Variants in ZUP1 observed in about 807,000 individuals in gnomAD.
ZUP1 encodes zinc finger containing ubiquitin peptidase 1.
Under a neutral mutation model 68.1 loss-of-function variants are expected in ZUP1, and 55 were observed. The observed-to-expected ratio is 0.81, with a 90% confidence interval of 0.65 to 1.01. The LOEUF (loss-of-function observed/expected upper bound fraction) is 1.01. Ranked by LOEUF, ZUP1 falls within the 50% of genes least tolerant of loss-of-function variation. The pLI is 0.00. For synonymous variants in ZUP1, 223 were observed against 221.5 expected, an observed-to-expected ratio of 1.01 and a Z score of -0.06; for missense variants, 684 against 674.9, an observed-to-expected ratio of 1.01 and a Z score of -0.15.
At chr6:116,639,413 T>C (rs1477395457) in intron 9 of ZUP1, among the ~76,000 whole-genome samples, 1 of 152,184 alleles carries the variant, frequency 6.6e-6, no homozygotes, top group African/African-American at 2.4e-5. Flanking sequence ...CCCTGACCCC[T>C]GAGCAGCCTA....
chr6:116,648,523 A>C (rs762238208), intron 7 of ZUP1, among the ~76,000 whole-genome samples: 3 of 152,236 alleles, frequency 2.0e-5, no homozygotes, highest in African/African-American at 7.2e-5. Context: ...GCATATTTAC[A>C]TTTAGAATAC....
In ZUP1 at chr6:116,666,185, T is replaced by C. The variant is rs190806412; in HGVS notation, c.559+449A>G. ...CAACAAAGCAGAATACACTTTTTTT[T>C]CCCAAGTATCCACAGAACATGACCA... On this transcript the variant is annotated intron_variant, in intron 2 of 9. Coordinates refer to ENST00000368576, the MANE Select transcript of ZUP1 (RefSeq NM_145062.3). Among the ~76,000 whole-genome samples, 793 of 152,232 alleles carry C rather than the reference T, an allele frequency of 5.2e-3. 4 individuals are homozygous for C. Among genetic ancestry groups the C allele is most frequent in the African/African-American group, 0.018 (760 of 41,548 alleles).
chr6:116,667,582 C>G (rs978428872), intron 1 of ZUP1, among the ~76,000 whole-genome samples: 20 of 151,926 alleles, frequency 1.3e-4, no homozygotes, highest in African/African-American at 9.7e-5. Context: ...AATACTGAAG[C>G]TGATTATATT....
In ZUP1 at chr6:116,666,935, T is replaced by C. The variant is rs774383975; in HGVS notation, c.258A>G (p.Glu86=). The C allele has an allele frequency of 6.2e-7, 1 of 1,613,390 alleles. No individual in the cohort carries two copies. The highest frequency in any genetic ancestry group is 1.7e-5 in the Admixed American group (1 of 59,910). Residue 86 remains glutamate (E), a synonymous_variant, in exon 2 of 10, where the codon GAA becomes GAG. Transcript: ENST00000368576. ...AACCTGAAAGAATACTTGAATTAAC[T>C]TCCATTCCACACTGTAGGGTGTTGT... The part of the protein sequence containing the change: ...KKDNTLQCGM[E]VNSSILSGCA...
Position 116,647,520 on chromosome 6 carries a change from C to T in ZUP1, c.1407G>A (p.Glu469=), listed in dbSNP as rs538821344. 1.2e-6 allele frequency: 2 copies of T among 1,601,134 alleles called. No homozygotes were observed. Among genetic ancestry groups the T allele is most frequent in the Admixed American group, 3.3e-5 (2 of 59,814 alleles). The stretch of plus-strand genomic sequence containing the variant: ...ACACTACCTTTGGACTCCCTTCTCC[C>T]TCTGAAGAATAATAGTTCAATATCC... ...FEWILNYYSS[E]GEGSPKVVCT... is the part of the protein sequence containing the mutation. The change falls in exon 8 of 10, where the codon GAG becomes GAA. Residue 469 remains glutamate, a synonymous_variant. Coordinates refer to ENST00000368576, the MANE Select transcript of ZUP1 (RefSeq NM_145062.3).
chr6:116,664,879 G>GACAC (rs144584776), intron 2 of ZUP1, among the ~76,000 whole-genome samples: 6,788 of 147,190 alleles, frequency 0.046, 139 homozygotes, highest in South Asian at 0.07. Flanking sequence ...CACAAGTACA[G>GACAC]ACACACACAC....
intron 9 of ZUP1, among the ~76,000 whole-genome samples, chr6:116,642,976 A>G (rs1405089602): frequency 6.6e-6 from 1 of 152,246 alleles, no homozygotes; most frequent in East Asian, 1.9e-4. Context: ...GTTGATAAGC[A>G]ACTTCAGCAA....
intron 9 of ZUP1, among the ~76,000 whole-genome samples, chr6:116,636,506 A>G (rs1376063835): frequency 6.6e-6 from 1 of 152,194 alleles, no homozygotes; most frequent in Non-Finnish European, 1.5e-5. Flanking sequence ...GCATTAGGTG[A>G]TATTGTCTAA....
chr6:116,661,334 C>T (rs1776833405), intron 2 of ZUP1, among the ~76,000 whole-genome samples: 2 of 150,178 alleles, frequency 1.3e-5, no homozygotes, highest in African/African-American at 4.9e-5. Context: ...TAGCACAAAC[C>T]TCTCATACCA....
At chr6:116,651,782 A>C (rs767702478) in intron 6 of ZUP1, 45 bp from the exon 7 acceptor site, 2 of 1,601,450 alleles carry the variant, frequency 1.2e-6, no homozygotes, top group Non-Finnish European at 1.7e-6. Flanking sequence ...TTAATAAAGT[A>C]CTGAATAATA....
intron 9 of ZUP1, among the ~76,000 whole-genome samples, chr6:116,640,324 G>A (rs1184301468): frequency 6.6e-6 from 1 of 152,068 alleles, no homozygotes; most frequent in African/African-American, 2.4e-5. Context: ...GTCAGATTCA[G>A]GAAATACAGA....
chr6:116,643,853 T>G (rs1776201187), intron 9 of ZUP1, among the ~76,000 whole-genome samples: 3 of 152,164 alleles, frequency 2.0e-5, no homozygotes, highest in Admixed American at 2.0e-4. Context: ...CTAATTAAAC[T>G]ACAGAGCTTC....
Position 116,645,694 on chromosome 6 carries a change from ATAAATATTTAGATAC to A in ZUP1, c.1689+5_1689+19del. 6.5e-7 allele frequency: 1 copy of A among 1,538,096 alleles called. No individual in the cohort carries two copies. The highest frequency in any genetic ancestry group is 2.0e-5 in the Admixed American group (1 of 50,460). ...AGTTCATCTCATTCAAACTTCACAT[ATAAATATTTAGATAC>A]TTACAAGTTTCTCCTCTAGAGAAAG... On this transcript the variant is annotated splice_donor_5th_base_variant and intron_variant, in intron 9 of 9. Transcript: ENST00000368576.
In ZUP1 at chr6:116,652,106, G is replaced by A. The variant is rs751129196; in HGVS notation, c.1048C>T (p.His350Tyr). ...VWLSSVVDHF[H>Y]SSLGDKGWGC... ...CAACCTTTGTCGCCTAAAGATGAAT[G>A]AAAGTGATCCACCACTGAAGAAAGC... is the stretch of plus-strand genomic sequence containing the variant. Residue 350 changes from histidine (H) to tyrosine (Y), a missense_variant, in exon 6 of 10, where the codon CAT becomes TAT. Coordinates refer to ENST00000368576, the MANE Select transcript of ZUP1 (RefSeq NM_145062.3). The A allele has an allele frequency of 1.9e-6, 3 of 1,614,010 alleles. No homozygotes were observed. The highest frequency in any genetic ancestry group is 2.5e-6 in the Non-Finnish European group (3 of 1,179,916).
At chr6:116,641,816 A>G (rs1262340558) in intron 9 of ZUP1, among the ~76,000 whole-genome samples, 1 of 152,218 alleles carries the variant, frequency 6.6e-6, no homozygotes, top group Non-Finnish European at 1.5e-5. Context: ...AAAAGCTAGC[A>G]GGAGGCAAGA....
chr6:116,664,813 T>G (rs1547615), intron 2 of ZUP1, among the ~76,000 whole-genome samples: 23,879 of 151,894 alleles, frequency 0.16, 2,474 homozygotes, highest in East Asian at 0.41. Context: ...ATATCTGGTT[T>G]CTGTACAGGG....
chr6:116,663,828 T>C (rs947026520), intron 2 of ZUP1, among the ~76,000 whole-genome samples: 1 of 151,654 alleles, frequency 6.6e-6, no homozygotes, highest in African/African-American at 2.4e-5. Flanking sequence ...AGGCCTGTAG[T>C]CCCAGCCCCT....
intron 4 of ZUP1, among the ~76,000 whole-genome samples, chr6:116,658,154 T>C (rs997064429): frequency 5.9e-5 from 9 of 152,076 alleles, no homozygotes; most frequent in African/African-American, 2.2e-4. Flanking sequence ...TTAGCACAGA[T>C]AACACTACAG....
At chr6:116,665,058 T>A (rs75522928) in intron 2 of ZUP1, among the ~76,000 whole-genome samples, 2,573 of 152,210 alleles carry the variant, frequency 0.017, 76 homozygotes, top group African/African-American at 0.058. Flanking sequence ...AATTCAAGGA[T>A]AAGCAACATC....
Sources: gnomAD v4.1 joint callset for allele counts (sites outside exome capture counted in the v4.1 genomes callset) on GRCh38, gnomAD v4.1.1 for gene constraint, MANE v1.5 for transcripts, NCBI Gene and HGNC (gene_info 2026-07-23, HGNC 2026-07-21) for gene names.